The following GPHN variants were observed in gnomAD, a reference collection of about 807,000 sequenced individuals.
The protein encoded by GPHN is gephyrin.
A neutral mutation model predicts 95.5 loss-of-function variants in GPHN; 17 were observed. That is an observed-to-expected ratio of 0.18 (90% CI 0.12 to 0.27). The LOEUF (loss-of-function observed/expected upper bound fraction) is 0.27. GPHN is among the 10% of genes least tolerant of loss of function. GPHN has a pLI of 1.00. For synonymous variants in GPHN, 320 were observed against 322.5 expected (o/e 0.99, Z 0.08); for missense variants, 660 against 978.1 (o/e 0.67, Z 4.34).
At chr14:66,703,008 C>T (rs963821251) in intron 2 of GPHN, among the ~76,000 whole-genome samples, 6 of 150,720 alleles carry the variant, frequency 4.0e-5, no homozygotes, top group Non-Finnish European at 7.4e-5. Context: ...ACACAAGAAT[C>T]AATAGCCGAA....
At chr14:67,191,309 C>T in the GPHN span, among the ~76,000 whole-genome samples, 3 of 152,156 alleles carry the variant, frequency 2.0e-5, no homozygotes, top group Non-Finnish European at 4.4e-5. Context: ...GTTGGTTTCA[C>T]TATAGAAATC....
At chr14:66,850,765 G>T (rs928496430) in intron 4 of GPHN, among the ~76,000 whole-genome samples, 1 of 152,098 alleles carries the variant, frequency 6.6e-6, no homozygotes, top group African/African-American at 2.4e-5. Context: ...TATCGAGTAC[G>T]CACTAACTGC....
intron 21 of GPHN, among the ~76,000 whole-genome samples, chr14:67,170,822 T>C (rs771083887): frequency 6.6e-6 from 1 of 152,234 alleles, no homozygotes; most frequent in Non-Finnish European, 1.5e-5. Flanking sequence ...CAACTGCCAC[T>C]TTAAAGCATA....
the GPHN span, among the ~76,000 whole-genome samples, chr14:67,426,354 C>T: frequency 4.6e-5 from 7 of 152,076 alleles, no homozygotes; most frequent in Non-Finnish European, 1.0e-4. Context: ...AGTTAAGAAT[C>T]AAAGCCCTGG....
the GPHN span, among the ~76,000 whole-genome samples, chr14:67,525,557 T>C: frequency 6.6e-6 from 1 of 152,216 alleles, no homozygotes; most frequent in Non-Finnish European, 1.5e-5. Context: ...GTCACAATTG[T>C]AGCTGAAGAA....
intron 9 of GPHN, among the ~76,000 whole-genome samples, chr14:66,971,365 C>T (rs1265750950): frequency 6.6e-6 from 1 of 152,236 alleles, no homozygotes; most frequent in African/African-American, 2.4e-5. Context: ...TACATGTTAA[C>T]ATAAACAACA....
intron 9 of GPHN, among the ~76,000 whole-genome samples, chr14:67,014,590 G>T: frequency 6.6e-6 from 1 of 152,096 alleles, no homozygotes; most frequent in East Asian, 1.9e-4. Context: ...GATTGATAGT[G>T]TACAGATAAT....
chr14:67,692,801 A>G, the GPHN span: 1 of 877,158 alleles, frequency 1.1e-6, no homozygotes, highest in Non-Finnish European at 1.8e-6. Context: ...TACTAGTTTC[A>G]GATCAGCAAA....
At chr14:67,564,471 T>C in the GPHN span, among the ~76,000 whole-genome samples, 1 of 152,054 alleles carries the variant, frequency 6.6e-6, no homozygotes, top group Non-Finnish European at 1.5e-5. Flanking sequence ...ATTCTTTTTT[T>C]AACTGAGACA....
At chr14:67,338,907 A>C in the GPHN span, 1 of 651,462 alleles carries the variant, frequency 1.5e-6, no homozygotes. Context: ...TCAGTAATTT[A>C]TTTATAATCC....
chr14:67,687,414 AC>A, the GPHN span, among the ~76,000 whole-genome samples: 33,282 of 148,862 alleles, frequency 0.22, 4,546 homozygotes, highest in Non-Finnish European at 0.3. Context: ...CTGAGCCCGG[AC>A]CTTTGTACAT....
At chr14:67,614,076 C>T in the GPHN span, among the ~76,000 whole-genome samples, 6 of 152,200 alleles carry the variant, frequency 3.9e-5, no homozygotes, top group South Asian at 6.2e-4. Flanking sequence ...GCTGGGTCTA[C>T]GGGTACACAC....
chr14:66,766,141 G>C (rs1359112084), intron 2 of GPHN, among the ~76,000 whole-genome samples: 1 of 152,134 alleles, frequency 6.6e-6, no homozygotes, highest in East Asian at 1.9e-4. Context: ...TGGAAGACTG[G>C]AATCCAAGTG....
chr14:67,089,926 T>G (rs559952256), intron 12 of GPHN, among the ~76,000 whole-genome samples: 4 of 152,282 alleles, frequency 2.6e-5, no homozygotes, highest in Non-Finnish European at 5.9e-5. Context: ...TTTGGTTTTG[T>G]TTTTGTTTTT....
the GPHN span, among the ~76,000 whole-genome samples, chr14:67,401,358 A>G: frequency 1.5e-3 from 222 of 152,068 alleles, 1 homozygote; most frequent in African/African-American, 5.1e-3. Flanking sequence ...ACAAATAAAT[A>G]AAAATTAGCC....
intron 10 of GPHN, among the ~76,000 whole-genome samples, chr14:67,051,791 T>C (rs189200593): frequency 9.2e-5 from 14 of 152,106 alleles, no homozygotes; most frequent in Non-Finnish European, 1.6e-4. Flanking sequence ...CCAGAAGAGA[T>C]TGGGGGCCAA....
At chr14:67,654,738 A>T in the GPHN span, among the ~76,000 whole-genome samples, 2 of 152,162 alleles carry the variant, frequency 1.3e-5, no homozygotes, top group African/African-American at 4.8e-5. Flanking sequence ...TGTACCAATT[A>T]AAAAATTTTG....
chr14:67,592,088 G>C, the GPHN span: 2 of 174,890 alleles, frequency 1.1e-5, no homozygotes, highest in South Asian at 2.2e-4. Context: ...AGTCAAAGTA[G>C]ATGAATGGTG....
chr14:67,344,836 G>A, the GPHN span, among the ~76,000 whole-genome samples: 40 of 151,382 alleles, frequency 2.6e-4, no homozygotes, highest in African/African-American at 6.8e-4. Context: ...AGCCAAGATC[G>A]CAACACTGCA....
Sources: allele counts gnomAD v4.1 joint callset (sites outside exome capture counted in the v4.1 genomes callset), GRCh38; gene constraint gnomAD v4.1.1; transcripts MANE v1.5; gene names NCBI Gene and HGNC (gene_info 2026-07-23, HGNC 2026-07-21).